The following SDK1 variants were observed in gnomAD, a reference collection of about 807,000 sequenced individuals.
SDK1 encodes protein sidekick-1.
Under a neutral mutation model 245.5 loss-of-function variants are expected in SDK1, and 157 were observed. That is an observed-to-expected ratio of 0.64 (90% CI 0.56 to 0.73). The LOEUF (loss-of-function observed/expected upper bound fraction) is 0.73, where lower values mean the gene tolerates loss of function less well. Among genes scored for constraint, SDK1 ranks in the 30% least tolerant of loss-of-function variants. The probability of loss-of-function intolerance (pLI) is 0.00; values close to 1 mark genes in which losing one functional copy is unlikely to be tolerated. For synonymous variants in SDK1, 1,647 were observed against 1,278.5 expected (o/e 1.29, Z -6.15); for missense variants, 3,583 against 3,002.3 (o/e 1.19, Z -4.52).
intron 1 of SDK1, among the ~76,000 whole-genome samples, chr7:3,562,925 G>T (rs1449183521): frequency 9.5e-5 from 7 of 73,760 alleles, no homozygotes; most frequent in African/African-American, 3.6e-4. Flanking sequence ...AGATAGGGGA[G>T]GTAAGGGGGA....
intron 1 of SDK1, among the ~76,000 whole-genome samples, chr7:3,574,824 A>G (rs1562573589): frequency 6.6e-6 from 1 of 152,108 alleles, no homozygotes; most frequent in African/African-American, 2.4e-5. Flanking sequence ...AACTTGACTG[A>G]TATGACCATG....
At position 3,914,334 on chromosome 7, in the gene SDK1, A is replaced by C. The variant is rs1334164454; in HGVS notation, c.848-36589A>C. Among the ~76,000 whole-genome samples the C allele has an allele frequency of 4.6e-5, 7 of 152,218 alleles. No homozygotes were observed. In the East Asian group the frequency reaches 1.3e-3, roughly 29 times the overall value. On this transcript the variant is annotated intron_variant, in intron 5 of 44. Transcript: ENST00000404826. ...TGTGTATAATATTCTGCTTTCGGAA[A>C]TCAGGAGGGGGCAAAGATTGTTATG...
At chr7:3,508,829 C>G (rs1420289722) in intron 1 of SDK1, among the ~76,000 whole-genome samples, 4 of 152,110 alleles carry the variant, frequency 2.6e-5, no homozygotes, top group Non-Finnish European at 5.9e-5. Flanking sequence ...GGAATGGCTG[C>G]TATCAGTAGG....
chr7:3,506,780 A>C (rs992511977), intron 1 of SDK1, among the ~76,000 whole-genome samples: 3 of 151,094 alleles, frequency 2.0e-5, no homozygotes, highest in Non-Finnish European at 4.4e-5. Flanking sequence ...TGTATTTTTC[A>C]ACTCCAGATG....
At chr7:4,069,029 TATA>T (rs1289049912) in intron 20 of SDK1, among the ~76,000 whole-genome samples, 1 of 152,214 alleles carries the variant, frequency 6.6e-6, no homozygotes, top group Non-Finnish European at 1.5e-5. Context: ...GCCAAATTTT[TATA>T]ATGTCTCTGA....
intron 4 of SDK1, among the ~76,000 whole-genome samples, chr7:3,712,934 C>A (rs1199897270): frequency 6.6e-6 from 1 of 152,202 alleles, no homozygotes; most frequent in Non-Finnish European, 1.5e-5. Context: ...TGCACTGTTC[C>A]CTGAAAGCTT....
chr7:4,072,390 G>A (rs1177956908), intron 20 of SDK1, among the ~76,000 whole-genome samples: 1 of 152,186 alleles, frequency 6.6e-6, no homozygotes, highest in Non-Finnish European at 1.5e-5. Context: ...CACAGAAGCT[G>A]CAGTGGACGC....
intron 4 of SDK1, among the ~76,000 whole-genome samples, chr7:3,692,374 C>T (rs1006899341): frequency 2.6e-5 from 4 of 151,958 alleles, no homozygotes; most frequent in Admixed American, 6.6e-5. Flanking sequence ...TGTGTGTGCA[C>T]CTGTGCCCAT....
intron 30 of SDK1, 138 bp downstream of exon 30, chr7:4,149,601 C>A: frequency 1.8e-6 from 1 of 547,498 alleles, no homozygotes; most frequent in South Asian, 3.3e-5. Flanking sequence ...CTTTTTGACA[C>A]TCCCCATGCT....
chr7:3,664,923 A>G (rs1463404786), intron 4 of SDK1, among the ~76,000 whole-genome samples: 1 of 152,174 alleles, frequency 6.6e-6, no homozygotes. Flanking sequence ...ATGATTTTGG[A>G]GGACAGTCTG....
chr7:4,023,254 AT>A (rs1787073784), intron 17 of SDK1, among the ~76,000 whole-genome samples: 1 of 152,100 alleles, frequency 6.6e-6, no homozygotes, highest in South Asian at 2.1e-4. Flanking sequence ...ATCCCCCATT[AT>A]CTTGTCGGCC....
chr7:3,471,077 T>C (rs1467843126), intron 1 of SDK1, among the ~76,000 whole-genome samples: 1 of 152,210 alleles, frequency 6.6e-6, no homozygotes. Context: ...TTGAGGACTA[T>C]TGGTATATGG....
chr7:3,615,080 C>G (rs749143049), intron 1 of SDK1, among the ~76,000 whole-genome samples: 2 of 151,638 alleles, frequency 1.3e-5, no homozygotes, highest in Admixed American at 6.6e-5. Flanking sequence ...AATAGCAAAA[C>G]CAAATTCAGA....
intron 14 of SDK1, among the ~76,000 whole-genome samples, chr7:3,991,286 G>A (rs141866774): frequency 4.3e-4 from 65 of 152,304 alleles, no homozygotes; most frequent in African/African-American, 1.2e-3. Context: ...TGCTGGCGGC[G>A]TGTATTGGTG....
At chr7:4,105,314 G>A (rs1258831581) in intron 22 of SDK1, among the ~76,000 whole-genome samples, 2 of 149,260 alleles carry the variant, frequency 1.3e-5, no homozygotes, top group African/African-American at 4.9e-5. Flanking sequence ...TTGTTTGTTC[G>A]TTTGTTTGTT....
intron 19 of SDK1, among the ~76,000 whole-genome samples, chr7:4,054,957 C>T (rs1459302905): frequency 6.6e-6 from 1 of 152,194 alleles, no homozygotes; most frequent in Non-Finnish European, 1.5e-5. Context: ...AACTTGGTCA[C>T]AGTGTATAAT....
intron 5 of SDK1, among the ~76,000 whole-genome samples, chr7:3,931,197 A>G (rs1779965440): frequency 6.6e-6 from 1 of 152,218 alleles, no homozygotes; most frequent in Non-Finnish European, 1.5e-5. Context: ...TAATTTTTTC[A>G]TGTCTTAAGT....
intron 11 of SDK1, among the ~76,000 whole-genome samples, chr7:3,970,932 G>A (rs1386325094): frequency 2.0e-5 from 3 of 152,180 alleles, no homozygotes; most frequent in African/African-American, 7.2e-5. Flanking sequence ...GCACAGGCAA[G>A]CTGGGGGTCC....
rs776588985 is a variant in SDK1, at chr7:3,619,164, C to T, written c.383C>T (p.Ala128Val). The T allele has an allele frequency of 1.4e-5, 23 of 1,613,620 alleles. No homozygotes were observed. Among genetic ancestry groups the T allele is most frequent in the Non-Finnish European group, 1.4e-5 (17 of 1,179,728 alleles). Residue 128 changes from alanine (A) to valine (V), a missense_variant, in exon 2 of 45, where the codon GCC (alanine) becomes GTC (valine). Physicochemically the swap from Ala to Val is moderately conservative, Grantham distance 64. Transcript: ENST00000404826. ...EGNRLVLTCL[A>V]EGSWPLEFKW... is the part of the protein sequence containing the mutation. ...AACCGCCTTGTTCTCACCTGCCTTG[C>T]CGAAGGGAGCTGGCCTTTGGAGTTC...
Sources: gnomAD v4.1 joint callset for allele counts (sites outside exome capture counted in the v4.1 genomes callset) on GRCh38, gnomAD v4.1.1 for gene constraint, MANE v1.5 for transcripts, NCBI Gene and HGNC (gene_info 2026-07-23, HGNC 2026-07-21) for gene names.